IVD: variants seen among roughly 807,000 people sequenced by gnomAD.
The protein encoded by IVD is isovaleryl-CoA dehydrogenase, mitochondrial.
Under a neutral mutation model 51.3 loss-of-function variants are expected in IVD, and 31 were observed. That is an observed-to-expected ratio of 0.60 (90% CI 0.45 to 0.81). The LOEUF (loss-of-function observed/expected upper bound fraction) is 0.81, where lower values mean the gene tolerates loss of function less well. Among genes scored for constraint, IVD ranks in the 40% least tolerant of loss-of-function variants. IVD has a pLI of 0.00. For synonymous variants in IVD, 205 were observed against 219.4 expected (o/e 0.93, Z 0.58); for missense variants, 475 against 552.0 (o/e 0.86, Z 1.40).
chr15:40,415,564 C>G, intron 9 of IVD, 82 bp downstream of exon 9: 1 of 1,190,386 alleles, frequency 8.4e-7, no homozygotes, highest in African/African-American at 1.5e-5. Context: ...AGGTGGGCAC[C>G]GTGGATGGTT....
chr15:40,431,854 G>A (rs1376313791), intron 7 of IVD, among the ~76,000 whole-genome samples: 1 of 151,812 alleles, frequency 6.6e-6, no homozygotes, highest in African/African-American at 2.4e-5. Flanking sequence ...AAGAAGAGTT[G>A]TTGTCTATAT....
chr15:40,433,939 A>G (rs961558735), intron 8 of IVD: 2 of 456,472 alleles, frequency 4.4e-6, no homozygotes, highest in African/African-American at 4.0e-5. Flanking sequence ...TGGCATGAGA[A>G]TGCAACAGGG....
intron 3 of IVD, 128 bp from the exon 4 acceptor site, chr15:40,410,500 T>A (rs1398894667): frequency 1.8e-6 from 2 of 1,095,128 alleles, no homozygotes; most frequent in Non-Finnish European, 2.8e-6. Context: ...TTATTCTTGT[T>A]GCTAGAGAGA....
chr15:40,417,776 C>T (rs1891869778), intron 11 of IVD, among the ~76,000 whole-genome samples: 2 of 152,190 alleles, frequency 1.3e-5, no homozygotes, highest in African/African-American at 4.8e-5. Context: ...AGTAGTGATG[C>T]TGGCATGTCA....
rs545158649 is a variant in IVD, at chr15:40,411,910, C to T, written c.687+219C>T. ...CTGAAGACGGTGGAGCCGTCCTCAG[C>T]GCCAGGCCACACAAAGAGGTCTAGA... On this transcript the variant is annotated intron_variant, in intron 6 of 11. Coordinates refer to ENST00000487418, the MANE Select transcript of IVD (RefSeq NM_002225.5). Among the ~76,000 whole-genome samples the T allele has an allele frequency of 2.5e-4, 38 of 152,250 alleles. No individual in the cohort carries two copies. The East Asian group carries it at 7.0e-3, about 28-fold the overall frequency.
intron 10 of IVD, 40 bp from the exon 11 acceptor site, chr15:40,416,250 T>A (rs1292966843): frequency 5.6e-6 from 9 of 1,612,018 alleles, no homozygotes; most frequent in Non-Finnish European, 7.6e-6. Flanking sequence ...GCTGTCTGCG[T>A]GCCTCGCAGG....
At chr15:40,407,430 G>T (rs192264655) in intron 1 of IVD, among the ~76,000 whole-genome samples, 7 of 152,332 alleles carry the variant, frequency 4.6e-5, no homozygotes, top group Middle Eastern at 3.4e-3. Flanking sequence ...AAAGTGTGAC[G>T]TTTTAAAAAT....
At chr15:40,411,501 C>T in intron 5 of IVD, 54 bp from the exon 6 acceptor site, 2 of 1,613,434 alleles carry the variant, frequency 1.2e-6, no homozygotes, top group African/African-American at 1.3e-5. Context: ...GGTCTATGGC[C>T]TGGCTGAGAC....
intron 1 of IVD, among the ~76,000 whole-genome samples, 163 bp from the exon 2 acceptor site, chr15:40,407,473 G>T (rs1890567636): frequency 6.6e-6 from 1 of 152,262 alleles, no homozygotes; most frequent in African/African-American, 2.4e-5. Flanking sequence ...AAGACCTTAA[G>T]AAAGAGGGGT....
rs1310070181 is a variant in IVD, at chr15:40,405,930, G to T, written c.103G>T (p.Val35Leu). 1.2e-6 allele frequency: 2 copies of T among 1,613,004 alleles called. No homozygotes were observed. The highest frequency in any genetic ancestry group is 1.7e-6 in the Non-Finnish European group (2 of 1,179,776). The part of the protein sequence containing the change: ...VSQRAHSLLP[V>L]DDAINGLSEE... Reference sequence around the variant, plus strand: ...CCAGCGGGCCCACTCGCTTTTGCCCGTGGACGATGCAATCAATGGGCTAAG... The same window carrying T: ...CCAGCGGGCCCACTCGCTTTTGCCCTTGGACGATGCAATCAATGGGCTAAG... The change falls in exon 1 of 12, where the codon GTG becomes TTG. Residue 35 changes from valine (V) to leucine (L), a missense_variant. By Grantham distance (32) the Val-to-Leu change is conservative. Coordinates refer to ENST00000487418, the MANE Select transcript of IVD (RefSeq NM_002225.5).
At chr15:40,426,478 C>T (rs372587473), downstream of IVD, among the ~76,000 whole-genome samples, 3 of 150,768 alleles carry the variant, frequency 2.0e-5, no homozygotes, top group East Asian at 3.9e-4. Context: ...GCAGAGGTTG[C>T]AGTGAGCCGA....
chr15:40,426,304 G>T (rs887242102), downstream of IVD, among the ~76,000 whole-genome samples: 1 of 152,038 alleles, frequency 6.6e-6, no homozygotes, highest in South Asian at 2.1e-4. Flanking sequence ...TTGGGAGGCC[G>T]AGGCGGGTGG....
intron 7 of IVD, among the ~76,000 whole-genome samples, chr15:40,430,077 G>A (rs1892884914): frequency 6.6e-6 from 1 of 152,250 alleles, no homozygotes; most frequent in Non-Finnish European, 1.5e-5. Context: ...GGCACGCAGT[G>A]TGGCTGCAAG....
rs77556021 is a variant in IVD at position 40,434,820 on chromosome 15, A to C, written c.781-597A>C. ...GAATCTGCTTCCCGGTGTCATGGGAAGAGGCTCACAGGAAAGGGCAGGGCT... is the reference window on the plus strand; with the variant it reads ...GAATCTGCTTCCCGGTGTCATGGGACGAGGCTCACAGGAAAGGGCAGGGCT... On this transcript the variant is annotated intron_variant, in intron 8 of 8. Coordinates refer to the IVD transcript ENST00000473112. 1.4e-3 allele frequency among the ~76,000 whole-genome samples: 214 copies of C among 152,340 alleles called. 7 individuals carry two copies. In the East Asian group the frequency reaches 0.037, roughly 27 times the overall value.
chr15:40,422,779 T>TTTTTTTTTTTTTTTTTTTTTG (rs1555406296), downstream of IVD, among the ~76,000 whole-genome samples: 46 of 141,056 alleles, frequency 3.3e-4, no homozygotes, highest in South Asian at 1.5e-3. Flanking sequence ...TTTGTATTTT[T>TTTTTTTTTTTTTTTTTTTTTG]AGTAGAGACG....
downstream of IVD, chr15:40,435,675 C>T (rs1893228404): frequency 2.9e-6 from 3 of 1,038,624 alleles, no homozygotes; most frequent in Non-Finnish European, 3.5e-6. Context: ...TGGCCCTACC[C>T]ACTTCTCCAG....
chr15:40,435,529 T>C, exon 9 of IVD: 1 of 1,227,912 alleles, frequency 8.1e-7, no homozygotes, highest in South Asian at 1.4e-5. Context: ...TCCTCCTGCC[T>C]GAACTCACAC....
chr15:40,419,191 A>C lies in IVD; in HGVS notation c.*928A>C. 7.8e-7 allele frequency: 1 copy of C among 1,289,358 alleles called. No homozygotes were observed. The highest frequency in any genetic ancestry group is 1.0e-6 in the Non-Finnish European group (1 of 988,862). 79.9% of individuals were successfully genotyped at this position (1,289,358 alleles called of 1,614,324 possible). On this transcript the variant is annotated 3_prime_UTR_variant, in exon 12 of 12. Coordinates refer to ENST00000487418, the MANE Select transcript of IVD (RefSeq NM_002225.5). ...CTTGTTTCTTCCAGTTTCTAGAGGT[A>C]TCAGCTCCTAGCAGCTTATGAACAC...
At chr15:40,435,574 C>T, downstream of IVD, 2 of 1,154,850 alleles carry the variant, frequency 1.7e-6, no homozygotes, top group Non-Finnish European at 2.2e-6. Context: ...CCTCTTGGAT[C>T]TCAGACCAGA....
Sources: allele counts gnomAD v4.1 joint callset (sites outside exome capture counted in the v4.1 genomes callset), GRCh38; gene constraint gnomAD v4.1.1; transcripts MANE v1.5; gene names NCBI Gene and HGNC (gene_info 2026-07-23, HGNC 2026-07-21).